The following GLIS1 variants were observed in gnomAD, a reference collection of about 807,000 sequenced individuals.
GLIS1 encodes GLIS family zinc finger 1, also known as zinc finger protein GLIS1.
GLIS1 carries 24 observed loss-of-function variants against 63.8 expected under a neutral mutation model. The observed-to-expected ratio is 0.38, with a 90% CI of 0.27 to 0.53. GLIS1 has a LOEUF of 0.53. GLIS1 is among the 20% of genes least tolerant of loss of function. GLIS1 has a pLI of 0.85. For missense variants in GLIS1, 1,036 were observed against 1,074.1 expected (o/e 0.96, Z 0.50); for synonymous variants, 450 against 482.5 (o/e 0.93, Z 0.88).
intron 4 of GLIS1, among the ~76,000 whole-genome samples, chr1:53,530,935 C>T (rs1057014831): frequency 8.5e-5 from 13 of 152,238 alleles, no homozygotes; most frequent in African/African-American, 1.7e-4. Context: ...CCAGCGCTGA[C>T]GGGCGCCTGC....
At chr1:53,599,919 G>A (rs1051700269) in intron 3 of GLIS1, among the ~76,000 whole-genome samples, 182 bp downstream of exon 3, 5 of 152,250 alleles carry the variant, frequency 3.3e-5, no homozygotes, top group African/African-American at 1.2e-4. Context: ...ACCATCTTGT[G>A]TCTCTCAGAA....
chr1:53,615,668 A>C (rs1237090299), intron 2 of GLIS1, among the ~76,000 whole-genome samples: 2 of 152,214 alleles, frequency 1.3e-5, no homozygotes, highest in Non-Finnish European at 2.9e-5. Context: ...ATTTATATGC[A>C]ACAGGGATTC....
intron 4 of GLIS1, among the ~76,000 whole-genome samples, chr1:53,573,472 G>A (rs1435337741): frequency 6.6e-6 from 1 of 152,070 alleles, no homozygotes; most frequent in East Asian, 1.9e-4. Context: ...GCCCTCCTCA[G>A]GCTTATAGAG....
At chr1:53,673,378 T>C (rs555850576) in intron 2 of GLIS1, among the ~76,000 whole-genome samples, 2 of 152,326 alleles carry the variant, frequency 1.3e-5, no homozygotes, top group African/African-American at 4.8e-5. Flanking sequence ...AGTTACACTG[T>C]GCTGAGGGAA....
intron 2 of GLIS1, among the ~76,000 whole-genome samples, chr1:53,728,386 T>A (rs894511353): frequency 6.6e-6 from 1 of 152,186 alleles, no homozygotes; most frequent in African/African-American, 2.4e-5. Flanking sequence ...GTCTGTTTTT[T>A]AAGCACTTAT....
At chr1:53,713,866 A>C (rs910546021) in intron 2 of GLIS1, among the ~76,000 whole-genome samples, 1 of 152,200 alleles carries the variant, frequency 6.6e-6, no homozygotes, top group African/African-American at 2.4e-5. Context: ...AGCTCCTAAG[A>C]TGGCAGCTAA....
At chr1:53,659,247 G>GA (rs1288906592) in intron 2 of GLIS1, among the ~76,000 whole-genome samples, 4 of 152,188 alleles carry the variant, frequency 2.6e-5, no homozygotes, top group African/African-American at 7.2e-5. Context: ...CACATTCCAG[G>GA]AGGGAGCATG....
At chr1:53,628,145 T>C (rs896809871) in intron 2 of GLIS1, among the ~76,000 whole-genome samples, 1 of 24,596 alleles carries the variant, frequency 4.1e-5, no homozygotes, top group Non-Finnish European at 2.2e-4. Context: ...GTGCCCTTGC[T>C]GTGCCTTGCT....
At chr1:53,662,141 T>G (rs1646035504) in intron 2 of GLIS1, among the ~76,000 whole-genome samples, 1 of 152,214 alleles carries the variant, frequency 6.6e-6, no homozygotes, top group African/African-American at 2.4e-5. Flanking sequence ...CCTCACAAGC[T>G]GGAAGACCCC....
rs555552588 is a variant in GLIS1, at chr1:53,712,672, T to A, written c.259+25134A>T. Reference sequence around the variant, plus strand: ...CTGAATAAGGTCACAGGCAGTGGGGTGGGTCTGAGAACCACTCCATAAGGC... The same window carrying A: ...CTGAATAAGGTCACAGGCAGTGGGGAGGGTCTGAGAACCACTCCATAAGGC... On this transcript the variant is annotated intron_variant, in intron 2 of 10. Transcript: ENST00000628545. 1.9e-4 allele frequency among the ~76,000 whole-genome samples: 29 copies of A among 152,122 alleles called. No individual in the cohort carries two copies. In the South Asian group the frequency reaches 3.7e-3, roughly 20 times the overall value.
intron 2 of GLIS1, among the ~76,000 whole-genome samples, chr1:53,695,352 A>C (rs1240042444): frequency 6.6e-6 from 1 of 152,262 alleles, no homozygotes; most frequent in Non-Finnish European, 1.5e-5. Context: ...GTAGTGAAGC[A>C]TGAAGGAGCG....
intron 2 of GLIS1, among the ~76,000 whole-genome samples, chr1:53,718,588 T>C (rs1487384562): frequency 6.6e-6 from 1 of 152,134 alleles, no homozygotes; most frequent in Non-Finnish European, 1.5e-5. Flanking sequence ...ACCACCATGC[T>C]GAAAAAGTAG....
At chr1:53,562,579 T>A (rs1389979936) in intron 4 of GLIS1, among the ~76,000 whole-genome samples, 3 of 151,878 alleles carry the variant, frequency 2.0e-5, no homozygotes, top group Non-Finnish European at 4.4e-5. Flanking sequence ...CTCAGCTGAG[T>A]CCCAGCCCAC....
At chr1:53,538,404 C>T (rs545527776) in intron 4 of GLIS1, among the ~76,000 whole-genome samples, 13 of 152,312 alleles carry the variant, frequency 8.5e-5, no homozygotes, top group South Asian at 6.2e-4. Context: ...TAAACACCAT[C>T]TCACTAATCC....
chr1:53,675,913 C>A (rs940675589), intron 2 of GLIS1, among the ~76,000 whole-genome samples: 1 of 150,666 alleles, frequency 6.6e-6, no homozygotes, highest in African/African-American at 2.4e-5. Flanking sequence ...CCTCTCCCTA[C>A]CTGGCCCAGA....
intron 2 of GLIS1, among the ~76,000 whole-genome samples, chr1:53,703,641 A>T (rs1237314272): frequency 3.0e-5 from 4 of 133,158 alleles, no homozygotes; most frequent in African/African-American, 8.4e-5. Flanking sequence ...CCTGTCTCTA[A>T]AAAAAAAAAA....
chr1:53,534,670 AC>A (rs1251114530), intron 4 of GLIS1, among the ~76,000 whole-genome samples: 1 of 14,224 alleles, frequency 7.0e-5, no homozygotes, highest in Non-Finnish European at 1.3e-4. Context: ...CTGACCACCC[AC>A]CCCATCCCTG....
intron 6 of GLIS1, among the ~76,000 whole-genome samples, chr1:53,521,328 G>A (rs1389100248): frequency 2.0e-5 from 3 of 152,144 alleles, no homozygotes; most frequent in Non-Finnish European, 4.4e-5. Flanking sequence ...TAGGTGTGCC[G>A]TCAGCCTCCC....
At position 53,556,191 on chromosome 1, in the gene GLIS1, G is replaced by C. The variant is rs571717400; in HGVS notation, c.1321-26239C>G. Among the ~76,000 whole-genome samples, 25 of 143,252 alleles carry C rather than the reference G, an allele frequency of 1.7e-4. 1 individual carries two copies. In the East Asian group the frequency reaches 5.4e-3, roughly 31 times the overall value. 94.0% of individuals were successfully genotyped at this position (143,252 alleles called of 152,430 possible). A position where few individuals can be genotyped will look rare whatever the true frequency, so the allele number is the denominator to read the frequency against. ...GTATGCAGGTGTACTGTAGGTTTGT[G>C]TGTGTGTGCAGGTGTATTGCAGGTG... On this transcript the variant is annotated intron_variant, in intron 4 of 10. Coordinates refer to ENST00000628545, the MANE Select transcript of GLIS1 (RefSeq NM_001367484.1).
Sources: gnomAD v4.1 joint callset for allele counts (sites outside exome capture counted in the v4.1 genomes callset) on GRCh38, gnomAD v4.1.1 for gene constraint, MANE v1.5 for transcripts, NCBI Gene and HGNC (gene_info 2026-07-23, HGNC 2026-07-21) for gene names.